TSHZ1: variants seen among roughly 807,000 people sequenced by gnomAD.
The protein encoded by TSHZ1 is teashirt homolog 1.
Under a neutral mutation model 67.1 loss-of-function variants are expected in TSHZ1, and 12 were observed. That is an observed-to-expected ratio of 0.18 (90% CI 0.11 to 0.29). TSHZ1 has a LOEUF of 0.29. TSHZ1 is among the 10% of genes least tolerant of loss of function. TSHZ1 has a pLI of 1.00. For missense variants in TSHZ1, 1,305 were observed against 1,413.9 expected (o/e 0.92, Z 1.23); for synonymous variants, 632 against 622.4 (o/e 1.02, Z -0.23).
At chr18:75,229,429 C>A (rs1259686533) in intron 1 of TSHZ1, among the ~76,000 whole-genome samples, 1 of 152,192 alleles carries the variant, frequency 6.6e-6, no homozygotes, top group Admixed American at 6.5e-5. Context: ...GCAGGGGGAC[C>A]CATCGGAGCA....
At position 75,289,367 on chromosome 18, in the gene TSHZ1, C is replaced by G. The variant is rs2023831566; in HGVS notation, c.*726C>G. On this transcript the variant is annotated 3_prime_UTR_variant, in exon 2 of 2. Coordinates refer to ENST00000580243, the MANE Select transcript of TSHZ1 (RefSeq NM_001308210.2). ...CACTTTCGGCAAAAAAAAAAGTATG[C>G]AAGCTATTATTTAAAAATGTGTAAA... The G allele has an allele frequency of 6.0e-6, 1 of 166,780 alleles. No individual in the cohort carries two copies. The highest frequency in any genetic ancestry group is 1.9e-4 in the East Asian group (1 of 5,196). 10.3% of individuals were successfully genotyped at this position (166,780 alleles called of 1,614,324 possible). A position where few individuals can be genotyped will look rare whatever the true frequency, so the allele number is the denominator to read the frequency against.
At chr18:75,213,795 A>G (rs1451059527) in intron 1 of TSHZ1, among the ~76,000 whole-genome samples, 1 of 152,158 alleles carries the variant, frequency 6.6e-6, no homozygotes, top group Non-Finnish European at 1.5e-5. Context: ...TTAATGGTCA[A>G]TCAAAAGTTG....
rs2023222747 is a variant in TSHZ1 at position 75,246,403 on chromosome 18, G to GGTGTGGGTGT, written c.40+34492_40+34493insGGTGTGTGTG. ...CTCTGATGGGGTGTTTTTGGTTTCT[G>GGTGTGGGTGT]GTGTGTGTGTGTGTGTGTGTGTGTG... On this transcript the variant is annotated intron_variant, in intron 1 of 1. Transcript: ENST00000580243. Among the ~76,000 whole-genome samples the GGTGTGGGTGT allele has an allele frequency of 2.8e-5, 3 of 108,372 alleles. No homozygotes were observed. The South Asian group carries it at 1.1e-3, about 41-fold the overall frequency. 71.1% of individuals were successfully genotyped at this position (108,372 alleles called of 152,430 possible).
At chr18:75,226,239 G>A (rs73971565) in intron 1 of TSHZ1, among the ~76,000 whole-genome samples, 2,385 of 152,314 alleles carry the variant, frequency 0.016, 68 homozygotes, top group African/African-American at 0.052. Flanking sequence ...TCCTCACACA[G>A]TCAGTAGATA....
chr18:75,269,353 G>C, intron 1 of TSHZ1, among the ~76,000 whole-genome samples: 1 of 152,162 alleles, frequency 6.6e-6, no homozygotes. Context: ...GGTCCACTAC[G>C]ATGTGGTTCT....
intron 1 of TSHZ1, among the ~76,000 whole-genome samples, chr18:75,243,308 G>A (rs1016823877): frequency 7.2e-5 from 11 of 152,294 alleles, no homozygotes; most frequent in African/African-American, 2.2e-4. Context: ...AGTGTCTGTC[G>A]TATCTGAGGC....
Position 75,289,836 on chromosome 18 carries a change from A to G in TSHZ1, c.*1195A>G, listed in dbSNP as rs1245621925. 1.2e-5 allele frequency: 2 copies of G among 167,134 alleles called. No individual in the cohort carries two copies. Among genetic ancestry groups the G allele is most frequent in the Admixed American group, 6.5e-5 (1 of 15,288 alleles). The allele number at this position is 167,134 out of a possible 1,614,324, so 10.4% of individuals were successfully genotyped here. ...CAAAGCAAGCAATGCACTATTAATT[A>G]TACATTTTGATGTTCTATCATTAAT... On this transcript the variant is annotated 3_prime_UTR_variant, in exon 2 of 2. Transcript: ENST00000580243.
intron 1 of TSHZ1, among the ~76,000 whole-genome samples, chr18:75,249,016 G>T (rs751573917): frequency 3.9e-5 from 6 of 152,314 alleles, no homozygotes; most frequent in Middle Eastern, 3.4e-3. Context: ...GCACCCTGGG[G>T]TGGAGAGGCT....
chr18:75,221,323 A>T (rs1442186829), intron 1 of TSHZ1, among the ~76,000 whole-genome samples: 2 of 152,286 alleles, frequency 1.3e-5, no homozygotes, highest in Non-Finnish European at 2.9e-5. Context: ...AGTTAAAAGT[A>T]AAGTGCATCT....
chr18:75,277,556 G>A (rs1400228691), intron 1 of TSHZ1, among the ~76,000 whole-genome samples: 2 of 152,164 alleles, frequency 1.3e-5, no homozygotes, highest in African/African-American at 4.8e-5. Context: ...GGGAGCTGGT[G>A]AGGAGGGCCT....
intron 1 of TSHZ1, among the ~76,000 whole-genome samples, chr18:75,244,148 G>A (rs370553877): frequency 6.6e-6 from 1 of 152,146 alleles, no homozygotes; most frequent in East Asian, 1.9e-4. Context: ...TGCACTGTCG[G>A]GGGAATAGGC....
At chr18:75,249,784 C>T (rs1372404249) in intron 1 of TSHZ1, among the ~76,000 whole-genome samples, 1 of 148,936 alleles carries the variant, frequency 6.7e-6, no homozygotes, top group African/African-American at 2.5e-5. Context: ...CTCCTCCCTG[C>T]CTCACACCTG....
intron 1 of TSHZ1, among the ~76,000 whole-genome samples, chr18:75,212,354 A>G (rs1474865213): frequency 2.6e-5 from 4 of 151,892 alleles, no homozygotes; most frequent in Admixed American, 6.6e-5. Flanking sequence ...TGTTCAGAAG[A>G]TTTCTCTGGA....
At chr18:75,216,383 A>G (rs894700369) in intron 1 of TSHZ1, among the ~76,000 whole-genome samples, 1 of 152,186 alleles carries the variant, frequency 6.6e-6, no homozygotes, top group Admixed American at 6.5e-5. Flanking sequence ...TGTGATGTTT[A>G]CAGTGGTGGG....
At position 75,211,930 on chromosome 18, in the gene TSHZ1, G is replaced by T; in HGVS notation, c.40+14G>T. The T allele has an allele frequency of 8.3e-7, 1 of 1,202,390 alleles. No individual in the cohort carries two copies. The highest frequency in any genetic ancestry group is 1.0e-6 in the Non-Finnish European group (1 of 969,182). The allele number at this position is 1,202,390 out of a possible 1,614,324, so 74.5% of individuals were successfully genotyped here. On this transcript the variant is annotated intron_variant, in intron 1 of 1. Transcript: ENST00000580243. ...GGCGCTCGGCAGGTAACGGGCGCGC[G>T]GCCCGCGCCGCGGGGAGTGGGCGCC...
Position 75,229,590 on chromosome 18 carries a change from G to A in TSHZ1, c.40+17674G>A, listed in dbSNP as rs558558733. Reference sequence around the variant, plus strand: ...GTCAGAGCTCCCGGTGCTTGTTGAGGGACTGAAGCCCCTCCTTGGGGAAGC... The same window carrying A: ...GTCAGAGCTCCCGGTGCTTGTTGAGAGACTGAAGCCCCTCCTTGGGGAAGC... On this transcript the variant is annotated intron_variant, in intron 1 of 1. Transcript: ENST00000580243. 2.8e-3 allele frequency among the ~76,000 whole-genome samples: 427 copies of A among 152,318 alleles called. 2 individuals carry two copies. The highest frequency in any genetic ancestry group is 0.014 in the Middle Eastern group (4 of 294).
At chr18:75,250,996 C>T (rs1243091195) in intron 1 of TSHZ1, among the ~76,000 whole-genome samples, 3 of 152,312 alleles carry the variant, frequency 2.0e-5, no homozygotes, top group East Asian at 1.9e-4. Context: ...TAGTAGTTAA[C>T]CCCATGCACA....
In TSHZ1 at chr18:75,286,779, G is replaced by A. The variant is rs913098293; in HGVS notation, c.1372G>A (p.Asp458Asn). The change falls in exon 2 of 2, where the codon GAC becomes AAC. Residue 458 changes from aspartate (D) to asparagine (N), a missense_variant. Asp to Asn is a conservative substitution (Grantham distance 23). This residue lies in a region of TSHZ1 where 909 missense variants were observed against 961.8 expected (regional missense o/e 0.95). Transcript: ENST00000580243. This position sits in a 1 kb window ranked among gnomAD's most constrained non-coding sequence, Gnocchi z 5.1. ...ASKKGKQLVL[D>N]PVVEEKIQSI... ...TAAGAAGGGCAAGCAGTTGGTGCTG[G>A]ACCCTGTGGTGGAAGAGAAGATCCA... is the stretch of plus-strand genomic sequence containing the variant. 1.9e-6 allele frequency: 3 copies of A among 1,613,610 alleles called. No individual in the cohort carries two copies. The South Asian group carries it at 3.3e-5, about 18-fold the overall frequency.
chr18:75,274,534 A>C (rs2023594405), intron 1 of TSHZ1, among the ~76,000 whole-genome samples: 1 of 152,230 alleles, frequency 6.6e-6, no homozygotes, highest in Non-Finnish European at 1.5e-5. Flanking sequence ...TTCTACAAAT[A>C]TCATAATATA....
Sources: gnomAD v4.1 joint callset for allele counts (sites outside exome capture counted in the v4.1 genomes callset) on GRCh38, gnomAD v4.1.1 for gene constraint, gnomAD v4.1.1 regional missense constraint, Gnocchi (gnomAD v3.1) non-coding constraint, MANE v1.5 for transcripts, NCBI Gene and HGNC (gene_info 2026-07-23, HGNC 2026-07-21) for gene names.